TAOK1: variants seen among roughly 807,000 people sequenced by gnomAD.
TAOK1 encodes the protein TAO kinase 1, also known as serine/threonine-protein kinase TAO1.
In TAOK1, 21 loss-of-function variants were observed where a neutral mutation model predicts 138.3. The ratio of observed to expected loss-of-function variants is 0.15; its 90% CI spans 0.11 to 0.22. TAOK1 has a LOEUF of 0.22. Ranked by LOEUF, TAOK1 falls within the 10% of genes least tolerant of loss-of-function variation. TAOK1 has a pLI of 1.00. For synonymous variants in TAOK1, 361 were observed against 398.4 expected (o/e 0.91, Z 1.12); for missense variants, 651 against 1,227.7 (o/e 0.53, Z 7.02).
intron 2 of TAOK1, among the ~76,000 whole-genome samples, chr17:29,466,728 C>A (rs2030677891): frequency 6.6e-6 from 1 of 152,120 alleles, no homozygotes; most frequent in African/African-American, 2.4e-5. Flanking sequence ...TTCAATCTGC[C>A]ATCATTGTTT....
chr17:29,499,089 A>G (rs910867718), intron 12 of TAOK1, among the ~76,000 whole-genome samples: 2 of 152,280 alleles, frequency 1.3e-5, no homozygotes, highest in Admixed American at 1.3e-4. Context: ...ATATTATTTG[A>G]CATTATTTAC....
chr17:29,421,088 C>G (rs1905430294), intron 1 of TAOK1, among the ~76,000 whole-genome samples: 1 of 152,054 alleles, frequency 6.6e-6, no homozygotes, highest in Non-Finnish European at 1.5e-5. Flanking sequence ...CATCACCACG[C>G]CCAGCTAATT....
rs79855525 is a variant in TAOK1 at position 29,482,233 on chromosome 17, A to G, written c.600A>G (p.Gly200=). The change falls in exon 8 of 20, where the codon GGA becomes GGG. Residue 200 remains glycine (G), a synonymous_variant. Coordinates refer to ENST00000261716, the MANE Select transcript of TAOK1 (RefSeq NM_020791.4). ...AAGTAATTTTAGCCATGGATGAAGGACAATATGATGGCAAAGTAGATGTGT... is the reference window on the plus strand; with the variant it reads ...AAGTAATTTTAGCCATGGATGAAGGGCAATATGATGGCAAAGTAGATGTGT... The part of the protein sequence containing the change: ...APEVILAMDE[G]QYDGKVDVWS... The G allele has an allele frequency of 2.5e-5, 40 of 1,612,800 alleles. 1 individual carries two copies. In the Middle Eastern group the frequency reaches 1.3e-3, roughly 53 times the overall value.
At chr17:29,496,579 CTTTTT>C (rs748595265) in intron 11 of TAOK1, among the ~76,000 whole-genome samples, 3 of 87,884 alleles carry the variant, frequency 3.4e-5, no homozygotes, top group South Asian at 4.4e-4. Context: ...CCATCTACAC[CTTTTT>C]TTTTTTTTTT....
At chr17:29,431,579 C>A (rs752482540) in intron 1 of TAOK1, among the ~76,000 whole-genome samples, 1 of 151,906 alleles carries the variant, frequency 6.6e-6, no homozygotes, top group Non-Finnish European at 1.5e-5. Context: ...TTAGAAATTT[C>A]TTTGAGATAT....
intron 1 of TAOK1, among the ~76,000 whole-genome samples, chr17:29,404,868 TAA>T (rs1904950694): frequency 1.3e-5 from 2 of 152,214 alleles, no homozygotes; most frequent in Admixed American, 1.3e-4. Context: ...TATTTTAACA[TAA>T]ATTTTATTAG....
In TAOK1 at chr17:29,467,525, G is replaced by A. The variant is rs376082067; in HGVS notation, c.204+309G>A. On this transcript the variant is annotated intron_variant, in intron 3 of 19. Coordinates refer to ENST00000261716, the MANE Select transcript of TAOK1 (RefSeq NM_020791.4). ...CTGACCTCGTGATCTGCCCGCCTTG[G>A]CCTCCCAAAGTGCTGGGATTACAGG... Among the ~76,000 whole-genome samples, 23 of 152,262 alleles carry A rather than the reference G, an allele frequency of 1.5e-4. No homozygotes were observed. In the South Asian group the frequency reaches 4.8e-3, roughly 32 times the overall value.
intron 1 of TAOK1, among the ~76,000 whole-genome samples, chr17:29,398,333 A>G (rs1904727381): frequency 6.8e-6 from 1 of 146,674 alleles, no homozygotes. Context: ...CAGCCTCCCA[A>G]CAGCTGGGAT....
intron 1 of TAOK1, among the ~76,000 whole-genome samples, chr17:29,434,071 G>C (rs951704931): frequency 3.3e-5 from 5 of 152,108 alleles, no homozygotes; most frequent in African/African-American, 1.2e-4. Context: ...CAAGGGGCGG[G>C]GTAAGGAGAG....
intron 19 of TAOK1, among the ~76,000 whole-genome samples, chr17:29,541,778 A>G (rs1292700997): frequency 6.6e-6 from 1 of 152,076 alleles, no homozygotes; most frequent in African/African-American, 2.4e-5. Flanking sequence ...TCCGTCTCAA[A>G]AAAAAAGAAA....
chr17:29,477,730 T>C, intron 5 of TAOK1, 24 bp downstream of exon 5: 1 of 1,334,198 alleles, frequency 7.5e-7, no homozygotes, highest in Non-Finnish European at 9.9e-7. Context: ...GATTATTTTT[T>C]AAAAAGTATT....
chr17:29,533,977 C>T lies in TAOK1; in HGVS notation c.2362-141C>T, dbSNP rs184022600. ...CATTTCTTTTTCAGAGATGTTTACT[C>T]CAAGATACAAGAGAGAAAAATTGTC... On this transcript the variant is annotated intron_variant, in intron 18 of 19. Coordinates refer to ENST00000261716, the MANE Select transcript of TAOK1 (RefSeq NM_020791.4). 63 of 819,746 alleles carry T rather than the reference C, an allele frequency of 7.7e-5. 1 individual carries two copies. In the African/African-American group the frequency reaches 8.7e-4, roughly 11 times the overall value. 50.8% of individuals were successfully genotyped at this position (819,746 alleles called of 1,614,324 possible).
At chr17:29,444,558 A>G (rs1171555159) in intron 1 of TAOK1, among the ~76,000 whole-genome samples, 2 of 152,148 alleles carry the variant, frequency 1.3e-5, no homozygotes, top group Non-Finnish European at 2.9e-5. Context: ...AATCCAAACA[A>G]TATACATAGG....
chr17:29,521,309 T>C (rs1388296078), intron 16 of TAOK1, among the ~76,000 whole-genome samples: 4 of 152,194 alleles, frequency 2.6e-5, no homozygotes, highest in Admixed American at 2.0e-4. Context: ...TGAAACAAAA[T>C]TTTAGAATCT....
At chr17:29,442,331 C>G (rs1431639224) in intron 1 of TAOK1, among the ~76,000 whole-genome samples, 1 of 151,728 alleles carries the variant, frequency 6.6e-6, no homozygotes, top group Non-Finnish European at 1.5e-5. Context: ...CAGACCTCAC[C>G]ACTTACTGAG....
intron 1 of TAOK1, among the ~76,000 whole-genome samples, chr17:29,424,436 CAAAA>C (rs781589064): frequency 6.9e-5 from 5 of 72,008 alleles, no homozygotes; most frequent in Admixed American, 5.2e-4. Flanking sequence ...GACTCCCTCT[CAAAA>C]AAAAAAAAAA....
intron 1 of TAOK1, among the ~76,000 whole-genome samples, chr17:29,450,059 T>C (rs1328700470): frequency 3.3e-5 from 5 of 152,044 alleles, no homozygotes; most frequent in Non-Finnish European, 4.4e-5. Context: ...TTTCTTTCCT[T>C]TCCTTTTTAT....
At chr17:29,454,376 T>G (rs2030322367) in intron 2 of TAOK1, among the ~76,000 whole-genome samples, 1 of 152,188 alleles carries the variant, frequency 6.6e-6, no homozygotes, top group Non-Finnish European at 1.5e-5. Context: ...GTTATTCTTC[T>G]TAAGGTTTGT....
chr17:29,411,302 G>A (rs369226689), intron 1 of TAOK1, among the ~76,000 whole-genome samples: 2 of 150,588 alleles, frequency 1.3e-5, no homozygotes, highest in Admixed American at 6.6e-5. Context: ...CGTTTTAGCC[G>A]GGATGGTCTC....
Sources: allele counts gnomAD v4.1 joint callset (sites outside exome capture counted in the v4.1 genomes callset), GRCh38; gene constraint gnomAD v4.1.1; transcripts MANE v1.5; gene names NCBI Gene and HGNC (gene_info 2026-07-23, HGNC 2026-07-21).